The following CSMD1 variants were observed in gnomAD, a reference collection of about 807,000 sequenced individuals.
CSMD1 encodes CUB and Sushi multiple domains 1.
A neutral mutation model predicts 417.5 loss-of-function variants in CSMD1; 213 were observed. The ratio of observed to expected loss-of-function variants is 0.51; its 90% CI spans 0.46 to 0.57. CSMD1 has a LOEUF of 0.57. CSMD1 is among the 20% of genes least tolerant of loss of function. CSMD1 has a pLI of 0.00. For missense variants in CSMD1, 6,923 were observed against 4,529.7 expected, an observed-to-expected ratio of 1.53 and a Z score of -15.17; for synonymous variants, 2,862 against 1,736.8, an observed-to-expected ratio of 1.65 and a Z score of -16.11.
intron 10 of CSMD1, 83 bp downstream of exon 10, chr8:3,574,862 A>AT: frequency 6.8e-7 from 1 of 1,467,150 alleles, no homozygotes; most frequent in Non-Finnish European, 9.3e-7. Context: ...CACGGATAGC[A>AT]TTTGCTGGGC....
At chr8:4,416,447 A>T (rs1483110962) in intron 3 of CSMD1, among the ~76,000 whole-genome samples, 1 of 152,120 alleles carries the variant, frequency 6.6e-6, no homozygotes, top group Non-Finnish European at 1.5e-5. Flanking sequence ...AACATTTGAA[A>T]TTATATTCAT....
chr8:3,294,822 C>T (rs1245999249), intron 25 of CSMD1, among the ~76,000 whole-genome samples: 2 of 152,074 alleles, frequency 1.3e-5, no homozygotes, highest in South Asian at 2.1e-4. Flanking sequence ...GTGGGCTGCA[C>T]CCATTGTCCT....
chr8:3,536,709 T>C (rs1009699252), intron 10 of CSMD1, among the ~76,000 whole-genome samples: 10 of 152,072 alleles, frequency 6.6e-5, no homozygotes, highest in Admixed American at 4.6e-4. Context: ...CAGAGCAGCC[T>C]CCCTCCTCCG....
chr8:4,012,026 G>GA (rs112374506), intron 4 of CSMD1, among the ~76,000 whole-genome samples: 1 of 97,060 alleles, frequency 1.0e-5, no homozygotes, highest in Non-Finnish European at 2.8e-5. Flanking sequence ...TAATGACAAG[G>GA]AAAAAAAAAG....
At chr8:4,209,606 T>C (rs1800186098) in intron 3 of CSMD1, among the ~76,000 whole-genome samples, 1 of 152,140 alleles carries the variant, frequency 6.6e-6, no homozygotes. Flanking sequence ...GTCCCCGTGA[T>C]GCAGGAAAGA....
chr8:4,004,500 G>C (rs955607071), intron 4 of CSMD1, among the ~76,000 whole-genome samples: 5 of 148,666 alleles, frequency 3.4e-5, no homozygotes, highest in African/African-American at 5.0e-5. Flanking sequence ...CTGGATTTTT[G>C]TGTTATATTC....
chr8:4,463,456 A>T (rs569389397), intron 2 of CSMD1, among the ~76,000 whole-genome samples: 1 of 152,344 alleles, frequency 6.6e-6, no homozygotes, highest in South Asian at 2.1e-4. Flanking sequence ...AAAAATTTGT[A>T]TGCAAATGGT....
intron 2 of CSMD1, among the ~76,000 whole-genome samples, chr8:4,508,336 G>A (rs1169156424): frequency 1.3e-5 from 2 of 152,006 alleles, no homozygotes; most frequent in Non-Finnish European, 2.9e-5. Flanking sequence ...AAAACTACAG[G>A]ATTGTATAAG....
chr8:3,966,936 A>C (rs1397991259), intron 5 of CSMD1, among the ~76,000 whole-genome samples: 1 of 152,222 alleles, frequency 6.6e-6, no homozygotes, highest in East Asian at 1.9e-4. Flanking sequence ...GGTCTTTATG[A>C]TCAAGAGATA....
At chr8:3,858,473 T>C (rs1410804006) in intron 5 of CSMD1, among the ~76,000 whole-genome samples, 1 of 152,158 alleles carries the variant, frequency 6.6e-6, no homozygotes, top group Non-Finnish European at 1.5e-5. Flanking sequence ...ACTCTATCTT[T>C]AGATAATAAT....
At chr8:3,008,999 T>C (rs376269293) in intron 52 of CSMD1, among the ~76,000 whole-genome samples, 51 of 152,310 alleles carry the variant, frequency 3.3e-4, no homozygotes, top group East Asian at 1.7e-3. Flanking sequence ...GATTTGGAAA[T>C]GTAATAAAGT....
intron 7 of CSMD1, among the ~76,000 whole-genome samples, chr8:3,650,154 C>A (rs1797777833): frequency 6.6e-6 from 1 of 151,992 alleles, no homozygotes; most frequent in Non-Finnish European, 1.5e-5. Flanking sequence ...TGGTGGGTGT[C>A]TGTAATCCCA....
intron 2 of CSMD1, among the ~76,000 whole-genome samples, chr8:4,599,481 G>C (rs1022538012): frequency 6.6e-6 from 1 of 151,676 alleles, no homozygotes; most frequent in African/African-American, 2.4e-5. Context: ...TCAAATTTGA[G>C]TGGAACTTCT....
chr8:4,346,612 A>G (rs1800791615), intron 3 of CSMD1, among the ~76,000 whole-genome samples: 1 of 152,212 alleles, frequency 6.6e-6, no homozygotes, highest in Admixed American at 6.5e-5. Flanking sequence ...TTCAGCAGGA[A>G]TCAAATTTAA....
intron 3 of CSMD1, among the ~76,000 whole-genome samples, chr8:4,395,002 G>T (rs915313585): frequency 1.3e-5 from 2 of 152,170 alleles, no homozygotes; most frequent in Non-Finnish European, 2.9e-5. Context: ...GCACAGCAGA[G>T]GAGGTAGACC....
intron 69 of CSMD1, among the ~76,000 whole-genome samples, chr8:2,940,188 G>C (rs1801771076): frequency 6.6e-6 from 1 of 152,182 alleles, no homozygotes; most frequent in Admixed American, 6.5e-5. Flanking sequence ...CTGACCAGGT[G>C]GTGAGAACTT....
At chr8:3,728,415 A>C (rs1023936654) in intron 6 of CSMD1, among the ~76,000 whole-genome samples, 2 of 152,244 alleles carry the variant, frequency 1.3e-5, no homozygotes, top group African/African-American at 4.8e-5. Context: ...GCATGAAAAC[A>C]GACTAATACA....
intron 3 of CSMD1, among the ~76,000 whole-genome samples, chr8:4,035,095 A>G (rs1435932151): frequency 6.6e-6 from 1 of 152,190 alleles, no homozygotes; most frequent in Non-Finnish European, 1.5e-5. Flanking sequence ...ACAGTAATAT[A>G]TAGTTGTGAG....
chr8:3,637,322 G>A (rs1272467741), intron 7 of CSMD1, among the ~76,000 whole-genome samples: 1 of 152,108 alleles, frequency 6.6e-6, no homozygotes, highest in Non-Finnish European at 1.5e-5. Context: ...CTATGTCTAA[G>A]ATCCTTTATC....
Sources: allele counts gnomAD v4.1 joint callset (sites outside exome capture counted in the v4.1 genomes callset), GRCh38; gene constraint gnomAD v4.1.1; transcripts MANE v1.5; gene names NCBI Gene and HGNC (gene_info 2026-07-23, HGNC 2026-07-21).